The following ESYT1 variants were observed in gnomAD, a reference collection of about 807,000 sequenced individuals.
ESYT1 encodes the protein extended synaptotagmin-1.
ESYT1 carries 116 observed loss-of-function variants against 154.2 expected under a neutral mutation model. That is an observed-to-expected ratio of 0.75 (90% CI 0.65 to 0.88). ESYT1 has a LOEUF of 0.88. Among genes scored for constraint, ESYT1 ranks in the 40% least tolerant of loss-of-function variants. ESYT1 has a pLI of 0.00. For synonymous variants in ESYT1, 500 were observed against 539.9 expected (o/e 0.93, Z 1.02); for missense variants, 1,264 against 1,379.3 (o/e 0.92, Z 1.32).
Position 56,132,237 on chromosome 12 carries a change from T to C in ESYT1, c.889T>C (p.Ser297Pro), listed in dbSNP as rs766216591. Residue 297 changes from serine (S) to proline (P), a missense_variant, in exon 8 of 31, where the codon TCC becomes CCC. Transcript: ENST00000394048. ...ACTCTCTGACACCATGATCATGGAC[T>C]CCATTGCTGCCTTCCTCGTGTTGCC... ...SSLSDTMIMDSIAAFLVLPNR... is the reference protein window; with the variant it reads ...SSLSDTMIMDPIAAFLVLPNR... 1.9e-6 allele frequency: 3 copies of C among 1,614,158 alleles called. No individual in the cohort carries two copies. The highest frequency in any genetic ancestry group is 1.1e-5 in the South Asian group (1 of 91,082).
intron 1 of ESYT1, chr12:56,130,270 C>T (rs1316792406): frequency 2.6e-5 from 12 of 459,428 alleles, no homozygotes; most frequent in Non-Finnish European, 4.8e-5. Context: ...CTGGACCTCC[C>T]CCTCCAGAAA....
chr12:56,138,496 C>G lies in ESYT1; in HGVS notation c.2430C>G (p.Leu810=), dbSNP rs1179577866. The change falls in exon 22 of 31, where the codon CTC becomes CTG. Residue 810 remains leucine (L), a synonymous_variant. Coordinates refer to ENST00000394048, the MANE Select transcript of ESYT1 (RefSeq NM_015292.3). ...TCTATATGGAGCGGGCAGAGGACCTCCCGGTGAGATCCCGCTCCCCATGCC... is the reference window on the plus strand; with the variant it reads ...TCTATATGGAGCGGGCAGAGGACCTGCCGGTGAGATCCCGCTCCCCATGCC... ...LSIYMERAED[L]PLRKGTKHLS... The G allele has an allele frequency of 3.1e-6, 5 of 1,605,192 alleles. No homozygotes were observed. Among genetic ancestry groups the G allele is most frequent in the Non-Finnish European group, 4.2e-6 (5 of 1,176,732 alleles).
rs577710658 is a variant in ESYT1, at chr12:56,141,140, A to G, written c.2593-1145A>G. On this transcript the variant is annotated intron_variant, in intron 24 of 30. Transcript: ENST00000394048. ...AGCGTGGAGAGTGAGGAGACAAAAGATGGCCATGAGCCATCTTACAGGTGT... is the reference window on the plus strand; with the variant it reads ...AGCGTGGAGAGTGAGGAGACAAAAGGTGGCCATGAGCCATCTTACAGGTGT... Among the ~76,000 whole-genome samples the G allele has an allele frequency of 9.8e-5, 15 of 152,316 alleles. No individual in the cohort carries two copies. The South Asian group carries it at 3.1e-3, about 32-fold the overall frequency.
At chr12:56,136,953 A>C in intron 16 of ESYT1, 60 bp downstream of exon 16, 1 of 1,522,182 alleles carries the variant, frequency 6.6e-7, no homozygotes, top group African/African-American at 1.4e-5. Flanking sequence ...CTTTGGTATT[A>C]AGAGTAAGGA....
chr12:56,143,178 T>A, intron 28 of ESYT1, 30 bp downstream of exon 28: 2 of 1,614,118 alleles, frequency 1.2e-6, no homozygotes, highest in Non-Finnish European at 1.7e-6. Flanking sequence ...GGTGGAGAGA[T>A]GGCAGGCTTG....
chr12:56,130,581 G>A lies in ESYT1; in HGVS notation c.391-1G>A. ...ACTGTCTCTGCCTTCCCCACCTCCA[G>A]GTCAGCTTCCCAGACGTGGAAAAGG... is the stretch of plus-strand genomic sequence containing the variant. On this transcript the variant is annotated splice_acceptor_variant, in intron 1 of 30. Coordinates refer to ENST00000394048, the MANE Select transcript of ESYT1 (RefSeq NM_015292.3). LOFTEE classifies it high-confidence loss of function. 1.2e-6 allele frequency: 2 copies of A among 1,613,832 alleles called. No individual in the cohort carries two copies. The highest frequency in any genetic ancestry group is 1.7e-6 in the Non-Finnish European group (2 of 1,180,036).
At chr12:56,133,729 G>A in intron 12 of ESYT1, 52 bp from the exon 13 acceptor site, 1 of 1,613,174 alleles carries the variant, frequency 6.2e-7, no homozygotes, top group Non-Finnish European at 8.5e-7. Flanking sequence ...AGCTGGAAGT[G>A]TAGGGGACTT....
At chr12:56,138,567 T>G in intron 22 of ESYT1, 68 bp downstream of exon 22, 1 of 1,446,178 alleles carries the variant, frequency 6.9e-7, no homozygotes, top group Non-Finnish European at 9.5e-7. Context: ...GTTTGGATGG[T>G]CCTGGAGTAT....
Position 56,144,015 on chromosome 12 carries a change from T to C in ESYT1, c.*153T>C. On this transcript the variant is annotated 3_prime_UTR_variant, in exon 31 of 31. Coordinates refer to ENST00000394048, the MANE Select transcript of ESYT1 (RefSeq NM_015292.3). ...ACAGGCCCATATTCGGGCCTTTGCCTGACCAAAGAGAAGAACCGTATGTTC... is the reference window on the plus strand; with the variant it reads ...ACAGGCCCATATTCGGGCCTTTGCCCGACCAAAGAGAAGAACCGTATGTTC... 6.6e-7 allele frequency: 1 copy of C among 1,511,686 alleles called. No individual in the cohort carries two copies. The highest frequency in any genetic ancestry group is 1.4e-5 in the African/African-American group (1 of 72,008). 93.6% of individuals were successfully genotyped at this position (1,511,686 alleles called of 1,614,324 possible).
chr12:56,137,034 A>C, intron 16 of ESYT1, 141 bp downstream of exon 16: 1 of 1,303,264 alleles, frequency 7.7e-7, no homozygotes, highest in South Asian at 1.4e-5. Flanking sequence ...ACATATATTG[A>C]TCTGACTGGT....
At position 56,131,463 on chromosome 12, in the gene ESYT1, T is replaced by C. The variant is rs1233417623; in HGVS notation, c.715-14T>C. On this transcript the variant is annotated splice_polypyrimidine_tract_variant and intron_variant, in intron 5 of 30. Coordinates refer to ENST00000394048, the MANE Select transcript of ESYT1 (RefSeq NM_015292.3). ...TTTCTGGGGAAAGGCTTTGATTTTC[T>C]CTTCTTGCCTCAGCTACATGGCGTT... The C allele has an allele frequency of 6.2e-7, 1 of 1,614,090 alleles. No homozygotes were observed. The highest frequency in any genetic ancestry group is 1.1e-5 in the South Asian group (1 of 91,068).
At chr12:56,143,496 AT>A (rs1870800337) in intron 29 of ESYT1, 83 bp from the exon 30 acceptor site, 1 of 1,582,744 alleles carries the variant, frequency 6.3e-7, no homozygotes, top group Admixed American at 1.7e-5. Flanking sequence ...GTCTTTGGAG[AT>A]TTCAAAACAG....
chr12:56,143,422 G>A (rs763771825), intron 29 of ESYT1, 89 bp downstream of exon 29: 37 of 1,499,878 alleles, frequency 2.5e-5, no homozygotes, highest in Non-Finnish European at 3.4e-5. Context: ...AGTACCCCAC[G>A]TGATCCTTTA....
rs745793527 is a variant in ESYT1, at chr12:56,131,316, G to T, written c.714G>T (p.Gln238His). Reference sequence around the variant, plus strand: ...GCAAAGCAGGAGTCAAGGGCATGCAGGTAGGCCAGATGTCAGGGGCCACAT... The same window carrying T: ...GCAAAGCAGGAGTCAAGGGCATGCATGTAGGCCAGATGTCAGGGGCCACAT... The part of the protein sequence containing the change: ...YFCKAGVKGM[Q>H]LHGVLRVILE... Residue 238 changes from glutamine to histidine, a missense_variant and splice_region_variant, in exon 5 of 31, where the codon CAG becomes CAT. Physicochemically the swap from Gln to His is conservative, Grantham distance 24. Coordinates refer to ENST00000394048, the MANE Select transcript of ESYT1 (RefSeq NM_015292.3). 1.3e-5 allele frequency: 21 copies of T among 1,614,098 alleles called. No individual in the cohort carries two copies. The highest frequency in any genetic ancestry group is 1.8e-5 in the Non-Finnish European group (21 of 1,180,050).
chr12:56,142,957 T>C lies in ESYT1; in HGVS notation c.2987+24T>C, dbSNP rs1324596787. ...CGGTGAGACCCCATCCCTCCTGTCC[T>C]CCAGATCGCCTCCATCCCTTCCCTC... On this transcript the variant is annotated intron_variant, in intron 27 of 30. Coordinates refer to ENST00000394048, the MANE Select transcript of ESYT1 (RefSeq NM_015292.3). This position sits in a 1 kb window ranked among gnomAD's most constrained non-coding sequence, Gnocchi z 4.1. The C allele has an allele frequency of 6.2e-7, 1 of 1,614,086 alleles. No homozygotes were observed. The highest frequency in any genetic ancestry group is 2.2e-5 in the East Asian group (1 of 44,880).
At position 56,142,332 on chromosome 12, in the gene ESYT1, C is replaced by T; in HGVS notation, c.2640C>T (p.Leu880=). 1 of 1,614,178 alleles carries T rather than the reference C, an allele frequency of 6.2e-7. No homozygotes were observed. The highest frequency in any genetic ancestry group is 8.5e-7 in the Non-Finnish European group (1 of 1,180,034). ...TGVLGSLSLP[L]SELLVADQLC... Reference sequence around the variant, plus strand: ...TGCTGGGCTCATTATCCCTGCCCCTCTCAGAGCTCCTCGTGGCTGACCAGC... The same window carrying T: ...TGCTGGGCTCATTATCCCTGCCCCTTTCAGAGCTCCTCGTGGCTGACCAGC... The change falls in exon 25 of 31, where the codon CTC becomes CTT. Residue 880 remains leucine, a synonymous_variant. Coordinates refer to ENST00000394048, the MANE Select transcript of ESYT1 (RefSeq NM_015292.3). This position sits in a 1 kb window ranked among gnomAD's most constrained non-coding sequence, Gnocchi z 4.1.
Position 56,138,246 on chromosome 12 carries a change from C to T in ESYT1, c.2311C>T (p.Arg771Cys), listed in dbSNP as rs368530667. The T allele has an allele frequency of 2.8e-5, 45 of 1,614,108 alleles. No homozygotes were observed. In the Middle Eastern group the frequency reaches 4.9e-4, roughly 18 times the overall value. Residue 771 changes from arginine to cysteine, a missense_variant, in exon 21 of 31, where the codon CGT (arginine) becomes TGT (cysteine). By Grantham distance (180) the Arg-to-Cys change is radical (BLOSUM62 -3). Coordinates refer to ENST00000394048, the MANE Select transcript of ESYT1 (RefSeq NM_015292.3). ...LHLRLERLTP[R>C]PTAAELEEVL... The stretch of plus-strand genomic sequence containing the variant: ...CTTGCGCCTGGAGCGTCTCACCCCC[C>T]GTCCCACTGCTGCTGAGTTAGAGGA...
intron 1 of ESYT1, chr12:56,129,144 C>T (rs1870124372): frequency 4.8e-6 from 1 of 209,918 alleles, no homozygotes; most frequent in Non-Finnish European, 9.9e-6. Context: ...AGACTTTTTA[C>T]CTACTTAAAG....
chr12:56,131,405 G>C (rs1870229637), intron 5 of ESYT1, 72 bp from the exon 6 acceptor site: 32 of 1,609,594 alleles, frequency 2.0e-5, no homozygotes, highest in Non-Finnish European at 2.7e-5. Context: ...AAAGACCAAG[G>C]CTGAGAAAGT....
Sources: allele counts gnomAD v4.1 joint callset (sites outside exome capture counted in the v4.1 genomes callset), GRCh38; gene constraint gnomAD v4.1.1; non-coding constraint Gnocchi (gnomAD v3.1); transcripts MANE v1.5; gene names NCBI Gene and HGNC (gene_info 2026-07-23, HGNC 2026-07-21).